VRK3: variants seen among roughly 807,000 people sequenced by gnomAD.
VRK3 encodes serine/threonine-protein kinase VRK3.
Under a neutral mutation model 60.4 loss-of-function variants are expected in VRK3, and 50 were observed. The ratio of observed to expected loss-of-function variants is 0.83; its 90% CI spans 0.66 to 1.05. The LOEUF (loss-of-function observed/expected upper bound fraction) is 1.05. Among genes scored for constraint, VRK3 ranks in the 50% least tolerant of loss-of-function variants. The pLI is 0.00. For missense variants in VRK3, 549 were observed against 585.3 expected (o/e 0.94, Z 0.64); for synonymous variants, 246 against 227.8 (o/e 1.08, Z -0.72).
chr19:50,021,698 T>G (rs1386660222), intron 1 of VRK3, among the ~76,000 whole-genome samples: 1 of 152,178 alleles, frequency 6.6e-6, no homozygotes, highest in Non-Finnish European at 1.5e-5. Context: ...CAAGAAATGG[T>G]GGTTCTACAC....
At chr19:50,008,358 T>A (rs1234678610) in intron 4 of VRK3, among the ~76,000 whole-genome samples, 1 of 149,186 alleles carries the variant, frequency 6.7e-6, no homozygotes, top group Non-Finnish European at 1.5e-5. Context: ...GTGGGTGTGG[T>A]GGGAGACAGA....
intron 8 of VRK3, 63 bp from the exon 9 acceptor site, chr19:49,994,982 C>T (rs1044324641): frequency 2.7e-6 from 4 of 1,493,108 alleles, no homozygotes; most frequent in Non-Finnish European, 3.7e-6. Flanking sequence ...TACCGGCCGC[C>T]AAGGATGGAC....
At chr19:49,992,322 T>C (rs1439836247) in intron 10 of VRK3, among the ~76,000 whole-genome samples, 2 of 152,232 alleles carry the variant, frequency 1.3e-5, no homozygotes, top group African/African-American at 4.8e-5. Context: ...GAGAATCGCT[T>C]GAACCCAGGA....
chr19:49,977,365 C>G (rs778981918), intron 14 of VRK3, among the ~76,000 whole-genome samples: 3 of 152,072 alleles, frequency 2.0e-5, no homozygotes, highest in Non-Finnish European at 2.9e-5. Flanking sequence ...ATGTTCCCAA[C>G]CAAGGGGCTG....
chr19:49,991,903 G>A (rs1013312615), intron 10 of VRK3, among the ~76,000 whole-genome samples: 2 of 152,194 alleles, frequency 1.3e-5, no homozygotes, highest in African/African-American at 4.8e-5. Flanking sequence ...TTGGCTTAAG[G>A]CATGTAAAGT....
At chr19:50,006,932 C>T (rs1321812861) in intron 5 of VRK3, among the ~76,000 whole-genome samples, 1 of 152,198 alleles carries the variant, frequency 6.6e-6, no homozygotes, top group Non-Finnish European at 1.5e-5. Flanking sequence ...AGCTTGGGTG[C>T]TCCCTCCTTT....
chr19:49,997,452 A>C, intron 7 of VRK3, 52 bp downstream of exon 7: 1 of 1,600,566 alleles, frequency 6.2e-7, no homozygotes, highest in Non-Finnish European at 8.5e-7. Context: ...TGCTGTGACC[A>C]AGTTGGCGCC....
chr19:50,019,967 C>A (rs149085057), intron 2 of VRK3, among the ~76,000 whole-genome samples: 152 of 152,054 alleles, frequency 1.0e-3, no homozygotes, highest in African/African-American at 3.5e-3. Context: ...CAACCTCCGT[C>A]TCCTAGGTTC....
At chr19:49,999,150 C>T (rs1409651966) in intron 6 of VRK3, 2 of 152,064 alleles carry the variant, frequency 1.3e-5, no homozygotes, top group Non-Finnish European at 2.9e-5. Context: ...AATTAAATGA[C>T]ATAATGCTTG....
chr19:50,024,615 A>G (rs1463526275), intron 1 of VRK3, among the ~76,000 whole-genome samples: 2 of 152,196 alleles, frequency 1.3e-5, no homozygotes, highest in Non-Finnish European at 2.9e-5. Flanking sequence ...CTGGGCTTGA[A>G]CAGTGCCTAT....
At chr19:50,023,279 G>A (rs192891851) in intron 1 of VRK3, among the ~76,000 whole-genome samples, 1 of 152,256 alleles carries the variant, frequency 6.6e-6, no homozygotes, top group South Asian at 2.1e-4. Context: ...TCTGCCTCCC[G>A]AGTTCAAGTG....
chr19:49,988,753 T>A lies in VRK3; in HGVS notation c.1097-261A>T, dbSNP rs111931303. 2.0e-5 allele frequency among the ~76,000 whole-genome samples: 3 copies of A among 152,312 alleles called. 1 individual carries two copies. Among genetic ancestry groups the A allele is most frequent in the African/African-American group, 7.2e-5 (3 of 41,584 alleles). On this transcript the variant is annotated intron_variant, in intron 11 of 14. Coordinates refer to ENST00000316763, the MANE Select transcript of VRK3 (RefSeq NM_016440.4). Reference sequence around the variant, plus strand: ...CACTCCTCTTTCATTCATGCACTCATTCAATCAAGCCTCAGCACCCGTGTG... The same window carrying A: ...CACTCCTCTTTCATTCATGCACTCAATCAATCAAGCCTCAGCACCCGTGTG...
At chr19:50,021,731 T>G (rs2077173323) in intron 1 of VRK3, among the ~76,000 whole-genome samples, 1 of 152,212 alleles carries the variant, frequency 6.6e-6, no homozygotes, top group African/African-American at 2.4e-5. Context: ...GGACGATTTG[T>G]TCTCTAGACA....
chr19:49,979,280 G>C (rs757085369), intron 13 of VRK3, 38 bp from the exon 14 acceptor site: 4 of 1,613,584 alleles, frequency 2.5e-6, no homozygotes, highest in Non-Finnish European at 2.5e-6. Context: ...GAGAGCCTGA[G>C]AGGCATCCCC....
At chr19:49,981,218 G>A in intron 12 of VRK3, 1 of 604,020 alleles carries the variant, frequency 1.7e-6, no homozygotes, top group Non-Finnish European at 3.0e-6. Context: ...ACTGCTTCCT[G>A]CAAGCCTCTG....
At chr19:49,983,774 G>T (rs966142639) in intron 12 of VRK3, among the ~76,000 whole-genome samples, 10 of 152,340 alleles carry the variant, frequency 6.6e-5, no homozygotes, top group African/African-American at 2.4e-4. Context: ...CTAGCGCAGG[G>T]CACCTTAGGG....
intron 1 of VRK3, among the ~76,000 whole-genome samples, chr19:50,022,400 T>C (rs2077185372): frequency 6.6e-6 from 1 of 152,196 alleles, no homozygotes; most frequent in Non-Finnish European, 1.5e-5. Context: ...GACTTTCGGC[T>C]TCTACGCTTG....
Position 49,989,768 on chromosome 19 carries a change from T to G in VRK3, c.967A>C (p.Thr323Pro). ...AAGGCGAAGCCATAGCCTGCCAAAG[T>G]CACCTGTGGACACAGGGAAAAGCCA... Reference protein sequence around the residue: ...FVDPEDQSQVTLAGYGFAFRY... With the variant: ...FVDPEDQSQVPLAGYGFAFRY... The change falls in exon 11 of 15, where the codon ACT becomes CCT. Residue 323 changes from threonine (T) to proline (P), a missense_variant. Thr to Pro is a conservative substitution (Grantham distance 38, BLOSUM62 -1). Coordinates refer to ENST00000316763, the MANE Select transcript of VRK3 (RefSeq NM_016440.4). 1 of 1,611,318 alleles carries G rather than the reference T, an allele frequency of 6.2e-7. No individual in the cohort carries two copies. Among genetic ancestry groups the G allele is most frequent in the Non-Finnish European group, 8.5e-7 (1 of 1,178,058 alleles).
chr19:49,995,050 G>C (rs2076677793), intron 8 of VRK3, 131 bp from the exon 9 acceptor site: 1 of 1,262,240 alleles, frequency 7.9e-7, no homozygotes, highest in Non-Finnish European at 1.1e-6. Flanking sequence ...TGACTGGCTG[G>C]GCAGCAAACT....
Sources: gnomAD v4.1 joint callset for allele counts (sites outside exome capture counted in the v4.1 genomes callset) on GRCh38, gnomAD v4.1.1 for gene constraint, MANE v1.5 for transcripts, NCBI Gene and HGNC (gene_info 2026-07-23, HGNC 2026-07-21) for gene names.